Variants in IL1RAPL1 observed in about 807,000 individuals in gnomAD.
The protein encoded by IL1RAPL1 is interleukin-1 receptor accessory protein-like 1.
IL1RAPL1 carries 3 observed loss-of-function variants against 48.4 expected under a neutral mutation model. That is an observed-to-expected ratio of 0.06 (90% confidence interval 0.03 to 0.16). The LOEUF (loss-of-function observed/expected upper bound fraction) is 0.16. IL1RAPL1 is among the 10% of genes least tolerant of loss of function. IL1RAPL1 has a pLI of 1.00. For synonymous variants in IL1RAPL1, 185 were observed against 187.7 expected (o/e 0.99, Z 0.12); for missense variants, 349 against 530.6 (o/e 0.66, Z 3.36).
intron 2 of IL1RAPL1, among the ~76,000 whole-genome samples, chrX:29,045,941 T>G (rs542548684): frequency 1.5e-5 from 1 of 67,044 alleles, no homozygotes; most frequent in Non-Finnish European, 2.6e-5. Context: ...CTCCTCCTTC[T>G]TCCTCCTCCT....
chrX:29,742,750 T>C (rs1301752336), intron 6 of IL1RAPL1, among the ~76,000 whole-genome samples: 3 of 112,118 alleles, frequency 2.7e-5, no homozygotes, highest in Non-Finnish European at 5.6e-5. Context: ...CTATTAGCTC[T>C]TTGATGATTA....
chrX:29,166,704 A>G (rs1929792476), intron 2 of IL1RAPL1, among the ~76,000 whole-genome samples: 1 of 111,775 alleles, frequency 8.9e-6, no homozygotes, highest in Admixed American at 9.6e-5. Context: ...TAATGAGACC[A>G]ACATATTTTG....
rs634270 is a variant in IL1RAPL1, at chrX:28,927,893, A to G, written c.82+138468A>G. Among the ~76,000 whole-genome samples, 31,277 of 110,390 alleles carry G rather than the reference A, an allele frequency of 0.28. 3,815 individuals carry two copies. Among genetic ancestry groups the G allele is most frequent in the Admixed American group, 0.42 (4,290 of 10,264 alleles). ...TACTTTTTTTTGGATTAAGTCATCCAATCTAATGTCTTTAAAATGCTAACT... is the reference window on the plus strand; with the variant it reads ...TACTTTTTTTTGGATTAAGTCATCCGATCTAATGTCTTTAAAATGCTAACT... On this transcript the variant is annotated intron_variant, in intron 2 of 10. Coordinates refer to ENST00000378993, the MANE Select transcript of IL1RAPL1 (RefSeq NM_014271.4).
At chrX:29,910,478 T>G (rs752870592) in intron 6 of IL1RAPL1, among the ~76,000 whole-genome samples, 1 of 112,121 alleles carries the variant, frequency 8.9e-6, no homozygotes, top group Non-Finnish European at 1.9e-5. Flanking sequence ...AACATATGTT[T>G]ACTTTTAAAT....
At chrX:29,863,921 G>A (rs1175535207) in intron 6 of IL1RAPL1, among the ~76,000 whole-genome samples, 1 of 111,579 alleles carries the variant, frequency 9.0e-6, no homozygotes, top group Admixed American at 9.5e-5. Context: ...CAAGTAGCTG[G>A]GATTACAGGC....
intron 2 of IL1RAPL1, among the ~76,000 whole-genome samples, chrX:29,193,358 T>C (rs1930386288): frequency 9.0e-6 from 1 of 111,155 alleles, no homozygotes; most frequent in South Asian, 3.7e-4. Flanking sequence ...ATTCCCATAT[T>C]ACCATCTTCT....
At chrX:29,146,480 T>A (rs1470443831) in intron 2 of IL1RAPL1, among the ~76,000 whole-genome samples, 1 of 111,411 alleles carries the variant, frequency 9.0e-6, no homozygotes, top group African/African-American at 3.3e-5. Context: ...TTTTATCTCT[T>A]ACGCAACCAT....
chrX:29,378,044 GT>G (rs201446497), intron 3 of IL1RAPL1, among the ~76,000 whole-genome samples: 1,080 of 85,606 alleles, frequency 0.013, 15 homozygotes, highest in African/African-American at 0.037. Flanking sequence ...TTTCTTTGAG[GT>G]TTTTTTTTTT....
intron 5 of IL1RAPL1, among the ~76,000 whole-genome samples, chrX:29,618,365 A>C (rs954169506): frequency 2.7e-5 from 3 of 111,908 alleles, no homozygotes; most frequent in Non-Finnish European, 5.6e-5. Flanking sequence ...TAGATGGATT[A>C]GTTTCCTATG....
intron 2 of IL1RAPL1, among the ~76,000 whole-genome samples, chrX:28,963,123 A>G (rs1403325462): frequency 9.0e-6 from 1 of 111,639 alleles, no homozygotes. Context: ...TGAAAATTCA[A>G]TTATTGAATC....
intron 2 of IL1RAPL1, among the ~76,000 whole-genome samples, chrX:29,257,832 A>G (rs911428071): frequency 8.9e-6 from 1 of 111,736 alleles, no homozygotes; most frequent in African/African-American, 3.2e-5. Context: ...AAGGAGAATT[A>G]GTCCCGGGGG....
At chrX:28,799,767 T>A (rs769673276) in intron 2 of IL1RAPL1, among the ~76,000 whole-genome samples, 14 of 111,770 alleles carry the variant, frequency 1.3e-4, no homozygotes, top group Non-Finnish European at 1.9e-4. Flanking sequence ...ATATATAGGA[T>A]CTAGTGAGTG....
At chrX:29,174,567 T>C (rs1217862281) in intron 2 of IL1RAPL1, among the ~76,000 whole-genome samples, 5 of 112,069 alleles carry the variant, frequency 4.5e-5, no homozygotes, top group Non-Finnish European at 7.5e-5. Flanking sequence ...AATAGTTTTA[T>C]GTAATATTTG....
intron 5 of IL1RAPL1, among the ~76,000 whole-genome samples, chrX:29,599,127 C>CGGTCATG (rs1189104096): frequency 1.8e-5 from 2 of 111,401 alleles, no homozygotes; most frequent in Non-Finnish European, 3.8e-5. Context: ...ATTGTTATAT[C>CGGTCATG]GGTCATGTGA....
intron 5 of IL1RAPL1, among the ~76,000 whole-genome samples, chrX:29,420,885 G>A (rs1934282474): frequency 9.0e-6 from 1 of 111,323 alleles, no homozygotes; most frequent in African/African-American, 3.3e-5. Flanking sequence ...CATTGTTCTT[G>A]AATTAGTAGG....
At chrX:29,480,879 G>A (rs1401279703) in intron 5 of IL1RAPL1, among the ~76,000 whole-genome samples, 4 of 110,525 alleles carry the variant, frequency 3.6e-5, no homozygotes, top group Non-Finnish European at 7.6e-5. Context: ...GAATGAAAAT[G>A]CCATTTTTAA....
Position 29,203,722 on chromosome X carries a change from A to AATATAGATATATATATAT in IL1RAPL1, c.83-79211_83-79210insGATATATATATATATATA, listed in dbSNP as rs1419764371. Among the ~76,000 whole-genome samples, 23 of 78,413 alleles carry AATATAGATATATATATAT rather than the reference A, an allele frequency of 2.9e-4. 1 individual carries two copies. The highest frequency in any genetic ancestry group is 1.2e-3 in the African/African-American group (23 of 18,508). The allele number at this position is 78,413 out of a possible 115,157, so 68.1% of individuals were successfully genotyped here. A position where few individuals can be genotyped will look rare whatever the true frequency, so the allele number is the denominator to read the frequency against. On this transcript the variant is annotated intron_variant, in intron 2 of 10. Transcript: ENST00000378993. ...CAACAAGAGCAAAACTCCGTCTCAA[A>AATATAGATATATATATAT]ATATATATATATATATATATATATA...
chrX:29,737,503 A>G (rs1928080129), intron 6 of IL1RAPL1, among the ~76,000 whole-genome samples: 1 of 112,112 alleles, frequency 8.9e-6, no homozygotes, highest in African/African-American at 3.2e-5. Context: ...ATCTTTGTGT[A>G]GTACTTTTAT....
chrX:29,636,117 A>C (rs1262883334), intron 5 of IL1RAPL1, among the ~76,000 whole-genome samples: 1 of 111,957 alleles, frequency 8.9e-6, no homozygotes, highest in Non-Finnish European at 1.9e-5. Context: ...TAAATGACAG[A>C]GTGAAAAATT....
Sources: gnomAD v4.1 joint callset for allele counts (sites outside exome capture counted in the v4.1 genomes callset) on GRCh38, gnomAD v4.1.1 for gene constraint, MANE v1.5 for transcripts, NCBI Gene and HGNC (gene_info 2026-07-23, HGNC 2026-07-21) for gene names.